Variants in RRM1 observed in about 807,000 individuals in gnomAD.
RRM1 encodes the protein ribonucleotide reductase catalytic subunit M1, also known as ribonucleoside-diphosphate reductase large subunit.
RRM1 carries 19 observed loss-of-function variants against 101.5 expected under a neutral mutation model. The ratio of observed to expected loss-of-function variants is 0.19; its 90% CI spans 0.13 to 0.27. RRM1 has a LOEUF of 0.27. Among genes scored for constraint, RRM1 ranks in the 10% least tolerant of loss-of-function variants. The pLI is 1.00. For missense variants in RRM1, 500 were observed against 962.9 expected (o/e 0.52, Z 6.36); for synonymous variants, 298 against 323.4 (o/e 0.92, Z 0.84).
At chr11:4,128,344 T>G (rs555264670) in intron 14 of RRM1, among the ~76,000 whole-genome samples, 2 of 152,104 alleles carry the variant, frequency 1.3e-5, no homozygotes, top group African/African-American at 4.8e-5. Flanking sequence ...ACTTGTGACC[T>G]CAAGTGATCC....
chr11:4,111,482 C>T, intron 5 of RRM1, 119 bp from the exon 6 acceptor site: 1 of 559,332 alleles, frequency 1.8e-6, no homozygotes, highest in South Asian at 3.5e-5. Context: ...CTATTCTTTT[C>T]ATTTGAAATT....
At chr11:4,103,742 C>G (rs2094554717) in intron 2 of RRM1, among the ~76,000 whole-genome samples, 2 of 151,934 alleles carry the variant, frequency 1.3e-5, no homozygotes, top group African/African-American at 4.8e-5. Context: ...TGTGCCTCAG[C>G]CTCCCTCAGC....
chr11:4,115,097 A>AT (rs2094570976), intron 7 of RRM1, among the ~76,000 whole-genome samples: 2 of 152,342 alleles, frequency 1.3e-5, no homozygotes, highest in South Asian at 4.1e-4. Flanking sequence ...TTTTATAAAA[A>AT]TGTCAGTTTT....
At chr11:4,106,372 G>C in intron 3 of RRM1, 149 bp downstream of exon 3, 1 of 664,728 alleles carries the variant, frequency 1.5e-6, no homozygotes, top group Non-Finnish European at 2.6e-6. Context: ...GCCAAGGCAG[G>C]CAAATCGCTT....
intron 1 of RRM1, among the ~76,000 whole-genome samples, chr11:4,096,098 T>G (rs1172822412): frequency 6.6e-6 from 1 of 152,198 alleles, no homozygotes. Flanking sequence ...TAATCATAGC[T>G]TACTGTAACC....
At chr11:4,095,331 T>A (rs2094542142) in intron 1 of RRM1, among the ~76,000 whole-genome samples, 1 of 141,070 alleles carries the variant, frequency 7.1e-6, no homozygotes. Context: ...CAGGCACTAT[T>A]TTATTCCTCC....
chr11:4,107,594 A>G, intron 4 of RRM1, 59 bp downstream of exon 4: 1 of 1,032,470 alleles, frequency 9.7e-7, no homozygotes, highest in Non-Finnish European at 1.5e-6. Context: ...TAATGCACAC[A>G]TTTTAGAAAA....
chr11:4,103,781 A>ATTTTTTTTTTT (rs36062278), intron 2 of RRM1, among the ~76,000 whole-genome samples: 65 of 115,222 alleles, frequency 5.6e-4, no homozygotes, highest in African/African-American at 1.1e-3. Context: ...CCACCACGCT[A>ATTTTTTTTTTT]TTTTTTTTTT....
intron 3 of RRM1, among the ~76,000 whole-genome samples, chr11:4,106,511 G>C (rs925263992): frequency 1.3e-4 from 20 of 152,172 alleles, no homozygotes; most frequent in African/African-American, 4.8e-4. Flanking sequence ...GCTTTGGGAG[G>C]CTGAGGCAGG....
Position 4,133,556 on chromosome 11 carries a change from C to T in RRM1, c.1906-7C>T. 1 of 1,584,516 alleles carries T rather than the reference C, an allele frequency of 6.3e-7. No individual in the cohort carries two copies. Among genetic ancestry groups the T allele is most frequent in the South Asian group, 1.1e-5 (1 of 89,244 alleles). On this transcript the variant is annotated splice_polypyrimidine_tract_variant and splice_region_variant and intron_variant, in intron 16 of 18. Transcript: ENST00000300738. ...TTTCTTCATACATTTTCTGCTTTTC[C>T]ATTCAGATTGTAAATCCTCACTTAT...
In RRM1 at chr11:4,094,914, G is replaced by A; in HGVS notation, c.-99G>A. 2 of 1,310,356 alleles carry A rather than the reference G, an allele frequency of 1.5e-6. No individual in the cohort carries two copies. The highest frequency in any genetic ancestry group is 1.1e-6 in the Non-Finnish European group (1 of 927,534). The allele number at this position is 1,310,356 out of a possible 1,614,324, so 81.2% of individuals were successfully genotyped here. ...AGTTCTTTCCCCTGAGCAGCGCCTG[G>A]AACCTAACCCTTCCCACTCTGTCAC... On this transcript the variant is annotated 5_prime_UTR_variant, in exon 1 of 19. Coordinates refer to ENST00000300738, the MANE Select transcript of RRM1 (RefSeq NM_001033.5).
At chr11:4,131,086 A>C (rs1453758254) in intron 15 of RRM1, among the ~76,000 whole-genome samples, 2 of 152,244 alleles carry the variant, frequency 1.3e-5, no homozygotes, top group African/African-American at 4.8e-5. Context: ...AAAAGGAAAG[A>C]GGTTTAATTG....
At chr11:4,124,919 TA>T (rs1277389087) in intron 12 of RRM1, among the ~76,000 whole-genome samples, 7 of 97,828 alleles carry the variant, frequency 7.2e-5, no homozygotes, top group African/African-American at 1.7e-4. Flanking sequence ...TTATTTATTT[TA>T]TTTTTTTTTT....
At position 4,138,702 on chromosome 11, in the gene RRM1, T is replaced by C; in HGVS notation, c.*319T>C. 1 of 239,652 alleles carries C rather than the reference T, an allele frequency of 4.2e-6. No individual in the cohort carries two copies. Among genetic ancestry groups the C allele is most frequent in the Admixed American group, 5.6e-5 (1 of 17,992 alleles). The allele number at this position is 239,652 out of a possible 1,614,324, so 14.8% of individuals were successfully genotyped here. ...GTTAAGTAAGGTTTCATCACCCCTT[T>C]AGCACTGCTTTTCTGAAGACTTCAG... On this transcript the variant is annotated 3_prime_UTR_variant, in exon 19 of 19. Transcript: ENST00000300738.
chr11:4,120,059 A>T, intron 9 of RRM1, 131 bp downstream of exon 9: 9 of 603,960 alleles, frequency 1.5e-5, no homozygotes, highest in South Asian at 1.4e-4. Context: ...TTGAGGAGGT[A>T]TAATTATTTT....
chr11:4,129,791 T>C (rs2094595987), intron 15 of RRM1, among the ~76,000 whole-genome samples: 1 of 152,014 alleles, frequency 6.6e-6, no homozygotes, highest in South Asian at 2.1e-4. Context: ...ATTTGGAGAA[T>C]GAAGCAGTAG....
chr11:4,133,464 T>G, intron 16 of RRM1, 99 bp from the exon 17 acceptor site: 1 of 661,192 alleles, frequency 1.5e-6, no homozygotes, highest in Non-Finnish European at 2.6e-6. Flanking sequence ...TAGCATTAAA[T>G]AACTCTTAAG....
At chr11:4,097,739 G>A (rs946518216) in intron 1 of RRM1, among the ~76,000 whole-genome samples, 1 of 152,134 alleles carries the variant, frequency 6.6e-6, no homozygotes, top group African/African-American at 2.4e-5. Context: ...CTACAGATGT[G>A]TGCCACCACG....
intron 17 of RRM1, among the ~76,000 whole-genome samples, chr11:4,133,936 C>CA: frequency 6.7e-6 from 1 of 149,800 alleles, no homozygotes; most frequent in East Asian, 1.9e-4. Flanking sequence ...GCTTAGGTTG[C>CA]ATTCCTTACC....
Sources: gnomAD v4.1 joint callset for allele counts (sites outside exome capture counted in the v4.1 genomes callset) on GRCh38, gnomAD v4.1.1 for gene constraint, MANE v1.5 for transcripts, NCBI Gene and HGNC (gene_info 2026-07-23, HGNC 2026-07-21) for gene names.